The following EXOC5 variants were observed in gnomAD, a reference collection of about 807,000 sequenced individuals.
The protein encoded by EXOC5 is SEC10-like 1.
Under a neutral mutation model 90.8 loss-of-function variants are expected in EXOC5, and 17 were observed. The ratio of observed to expected loss-of-function variants is 0.19; its 90% CI spans 0.13 to 0.28. The LOEUF (loss-of-function observed/expected upper bound fraction) is 0.28, where lower values mean the gene tolerates loss of function less well. EXOC5 is among the 10% of genes least tolerant of loss of function. The pLI is 1.00. For synonymous variants in EXOC5, 260 were observed against 270.0 expected (o/e 0.96, Z 0.36); for missense variants, 569 against 830.6 (o/e 0.69, Z 3.87).
At chr14:57,262,877 C>G (rs1884557767) in intron 1 of EXOC5, among the ~76,000 whole-genome samples, 1 of 151,900 alleles carries the variant, frequency 6.6e-6, no homozygotes. Context: ...TTTAACTCCT[C>G]AGTAATCAAA....
At chr14:57,246,630 C>G in intron 3 of EXOC5, 81 bp downstream of exon 3, 14 of 1,267,224 alleles carry the variant, frequency 1.1e-5, no homozygotes, top group Non-Finnish European at 1.3e-5. Flanking sequence ...TCTGACTAGA[C>G]TTTTTTAAGA....
intron 12 of EXOC5, among the ~76,000 whole-genome samples, chr14:57,225,979 T>C (rs1391753371): frequency 2.0e-5 from 3 of 152,222 alleles, no homozygotes; most frequent in South Asian, 2.1e-4. Flanking sequence ...CAGAGGTGGG[T>C]AGAGGAATAA....
At position 57,215,799 on chromosome 14, in the gene EXOC5, A is replaced by G. The variant is rs1882955216; in HGVS notation, c.1613+2183T>C. On this transcript the variant is annotated intron_variant, in intron 15 of 17. Transcript: ENST00000621441. The stretch of plus-strand genomic sequence containing the variant: ...AAGGATGTCCACTCTCACTACTTCT[A>G]TTCAACACAGTAGTGGATGTCCTAG... 2.0e-5 allele frequency among the ~76,000 whole-genome samples: 3 copies of G among 152,206 alleles called. No individual in the cohort carries two copies. In the South Asian group the frequency reaches 6.2e-4, roughly 32 times the overall value.
At chr14:57,231,032 G>A (rs538208255) in intron 11 of EXOC5, among the ~76,000 whole-genome samples, 5 of 144,412 alleles carry the variant, frequency 3.5e-5, no homozygotes, top group South Asian at 2.2e-4. Flanking sequence ...TTTTTGACAC[G>A]GAGTCTTGCT....
At chr14:57,225,085 T>G (rs1301209936) in intron 12 of EXOC5, among the ~76,000 whole-genome samples, 2 of 151,846 alleles carry the variant, frequency 1.3e-5, no homozygotes, top group Non-Finnish European at 2.9e-5. Context: ...CCAATATCCC[T>G]CATGAACACA....
rs372563524 is a variant in EXOC5, at chr14:57,264,757, C to T, written c.27+3865G>A. On this transcript the variant is annotated intron_variant, in intron 1 of 17. Transcript: ENST00000621441. The stretch of plus-strand genomic sequence containing the variant: ...TCCTCTGTAGGTAATTCAAATGCCA[C>T]CTTCTAATCCTTTCTTTCTTCTAGA... 1.7e-4 allele frequency among the ~76,000 whole-genome samples: 26 copies of T among 152,296 alleles called. No homozygotes were observed. The East Asian group carries it at 4.4e-3, about 26-fold the overall frequency.
At position 57,222,358 on chromosome 14, in the gene EXOC5, TC is replaced by T; in HGVS notation, c.1354del (p.Glu452AsnfsTer56). 1 of 1,601,048 alleles carries T rather than the reference TC, an allele frequency of 6.2e-7. No homozygotes were observed. The highest frequency in any genetic ancestry group is 8.5e-7 in the Non-Finnish European group (1 of 1,172,358). On this transcript the variant is annotated frameshift_variant, in exon 13 of 18. Transcript: ENST00000621441. LOFTEE classifies it high-confidence loss of function. ...NAFRIFTILV[E>X]FLCIEHIDYA... is the part of the protein sequence containing the mutation. Reference sequence around the variant, plus strand: ...ATCAATATGCTCAATACATAAAAATTCCACAAGAATGGTAAAAATTCTGAAG... The same window carrying T: ...ATCAATATGCTCAATACATAAAAATTCACAAGAATGGTAAAAATTCTGAAG...
At chr14:57,268,506 A>C (rs1418940017) in intron 1 of EXOC5, 116 bp downstream of exon 1, 3 of 1,526,014 alleles carry the variant, frequency 2.0e-6, no homozygotes, top group East Asian at 2.5e-5. Flanking sequence ...TCTGTTTCGC[A>C]CCTCTCTCCC....
chr14:57,209,984 T>A lies in EXOC5; in HGVS notation c.1691A>T (p.Asp564Val), dbSNP rs775332750. 4.4e-6 allele frequency: 7 copies of A among 1,583,008 alleles called. No individual in the cohort carries two copies. The highest frequency in any genetic ancestry group is 6.1e-6 in the Non-Finnish European group (7 of 1,156,234). Residue 564 changes from aspartate to valine, a missense_variant, in exon 16 of 18, where the codon GAT becomes GTT. Transcript: ENST00000621441. ...EQKKTDFKPE[D>V]ENNVLIQYTN... Reference sequence around the variant, plus strand: ...ATATTGAATCAAAACATTGTTTTCATCTTCTGGCTTAAAATCTGTTTTCTT... The same window carrying A: ...ATATTGAATCAAAACATTGTTTTCAACTTCTGGCTTAAAATCTGTTTTCTT...
chr14:57,223,854 T>A (rs958625807), intron 12 of EXOC5, among the ~76,000 whole-genome samples: 5 of 152,110 alleles, frequency 3.3e-5, no homozygotes, highest in African/African-American at 1.2e-4. Context: ...GTTCACATCA[T>A]ACAAAGTAAA....
Position 57,208,507 on chromosome 14 carries a change from G to T in EXOC5, c.*102C>A. On this transcript the variant is annotated 3_prime_UTR_variant, in exon 18 of 18. Transcript: ENST00000621441. The stretch of plus-strand genomic sequence containing the variant: ...CATTGTTTCACAAAATGTTGGCTGT[G>T]TCATAAGGTATCTCCTGTGCTTTCT... The T allele has an allele frequency of 1.4e-6, 1 of 721,804 alleles. No individual in the cohort carries two copies. Among genetic ancestry groups the T allele is most frequent in the Non-Finnish European group, 2.3e-6 (1 of 437,560 alleles). The allele number at this position is 721,804 out of a possible 1,614,324, so 44.7% of individuals were successfully genotyped here. A position where few individuals can be genotyped will look rare whatever the true frequency, so the allele number is the denominator to read the frequency against.
At position 57,200,542 on chromosome 14, in the gene EXOC5, C is replaced by A. The variant is rs1341869440; in HGVS notation, c.*8067G>T. ...TTTGAACTTTATTAGTAAAAATATC[C>A]TATTGGTATTCAGTGCTTAATGGTC... On this transcript the variant is annotated 3_prime_UTR_variant, in exon 18 of 18. Coordinates refer to ENST00000621441, the MANE Select transcript of EXOC5 (RefSeq NM_006544.4). 5 of 151,764 alleles carry A rather than the reference C, an allele frequency of 3.3e-5. No individual in the cohort carries two copies. The highest frequency in any genetic ancestry group is 1.2e-4 in the African/African-American group (5 of 41,294). The allele number at this position is 151,764 out of a possible 1,614,324, so 9.4% of individuals were successfully genotyped here. A position where few individuals can be genotyped will look rare whatever the true frequency, so the allele number is the denominator to read the frequency against.
chr14:57,237,629 T>C (rs1883701854), intron 5 of EXOC5: 1 of 333,266 alleles, frequency 3.0e-6, no homozygotes, highest in Non-Finnish European at 5.5e-6. Flanking sequence ...GGTTCTCATT[T>C]AGGAAATTCA....
chr14:57,250,701 A>G (rs956095027), intron 1 of EXOC5, among the ~76,000 whole-genome samples: 1 of 152,186 alleles, frequency 6.6e-6, no homozygotes, highest in African/African-American at 2.4e-5. Flanking sequence ...ACAGGTATAG[A>G]CACACTTAGG....
At chr14:57,246,479 C>A (rs1026044541) in intron 3 of EXOC5, among the ~76,000 whole-genome samples, 23 of 152,144 alleles carry the variant, frequency 1.5e-4, no homozygotes, top group Non-Finnish European at 2.8e-4. Flanking sequence ...AAACTGGATA[C>A]CACTCTATCC....
At chr14:57,260,108 A>G (rs1245484711) in intron 1 of EXOC5, among the ~76,000 whole-genome samples, 1 of 152,216 alleles carries the variant, frequency 6.6e-6, no homozygotes, top group Non-Finnish European at 1.5e-5. Context: ...GAATTTTATA[A>G]TATTCGGCCT....
chr14:57,266,223 T>C (rs1044226377), intron 1 of EXOC5, among the ~76,000 whole-genome samples: 1 of 152,316 alleles, frequency 6.6e-6, no homozygotes, highest in East Asian at 1.9e-4. Context: ...TCCACAGTTC[T>C]CCAGCTGGGA....
rs568908051 is a variant in EXOC5, at chr14:57,206,138, A to G, written c.*2471T>C. ...TCAATGCATTACCTAAATACTGCAT[A>G]TTAGCTCATGCGGTATTGTGTAATA... On this transcript the variant is annotated 3_prime_UTR_variant, in exon 18 of 18. Transcript: ENST00000621441. 293 of 378,108 alleles carry G rather than the reference A, an allele frequency of 7.7e-4. 1 individual carries two copies. Among genetic ancestry groups the G allele is most frequent in the African/African-American group, 5.5e-3 (262 of 47,388 alleles). The allele number at this position is 378,108 out of a possible 1,614,324, so 23.4% of individuals were successfully genotyped here.
intron 12 of EXOC5, among the ~76,000 whole-genome samples, chr14:57,225,051 G>A (rs1047661940): frequency 2.6e-5 from 4 of 151,820 alleles, no homozygotes; most frequent in Admixed American, 2.6e-4. Context: ...GTCAGAGTGA[G>A]ACTCCGTCTC....
Sources: allele counts gnomAD v4.1 joint callset (sites outside exome capture counted in the v4.1 genomes callset), GRCh38; gene constraint gnomAD v4.1.1; transcripts MANE v1.5; gene names NCBI Gene and HGNC (gene_info 2026-07-23, HGNC 2026-07-21).